CSF2RA: variants seen among roughly 807,000 people sequenced by gnomAD.
CSF2RA encodes the protein colony stimulating factor 2 receptor subunit alpha.
In CSF2RA, 42 loss-of-function variants were observed where a neutral mutation model predicts 51.6. That is an observed-to-expected ratio of 0.81 (90% CI 0.64 to 1.05). The LOEUF (loss-of-function observed/expected upper bound fraction) is 1.05. Among genes scored for constraint, CSF2RA ranks in the 50% least tolerant of loss-of-function variants. The pLI is 0.00. For synonymous variants in CSF2RA, 222 were observed against 193.0 expected, an observed-to-expected ratio of 1.15 and a Z score of -1.24; for missense variants, 530 against 501.1, an observed-to-expected ratio of 1.06 and a Z score of -0.55.
chrX:1,295,180 C>T (rs756552083), intron 8 of CSF2RA, among the ~76,000 whole-genome samples: 85 of 48,774 alleles, frequency 1.7e-3, no homozygotes, highest in African/African-American at 6.2e-3. Flanking sequence ...AACACCCTGC[C>T]CCAAGGCCAG....
intron 4 of CSF2RA, 27 bp downstream of exon 4, chrX:1,285,947 CCT>C (rs1569498061): frequency 6.2e-7 from 1 of 1,613,704 alleles, no homozygotes; most frequent in Non-Finnish European, 8.5e-7. Context: ...ATTCTCAACC[CCT>C]GTCCTTTACA....
chrX:1,301,524 C>G (rs1403685218), intron 10 of CSF2RA, among the ~76,000 whole-genome samples: 2 of 151,436 alleles, frequency 1.3e-5, no homozygotes, highest in Non-Finnish European at 1.5e-5. Context: ...AACAATCAGT[C>G]AGTCTTTGTC....
chrX:1,308,285 A>T (rs2083882169), intron 12 of CSF2RA, among the ~76,000 whole-genome samples: 1 of 152,098 alleles, frequency 6.6e-6, no homozygotes, highest in Admixed American at 6.6e-5. Context: ...CCAAGAGATG[A>T]AAGAGAAACA....
At chrX:1,274,974 A>G (rs1185665552) in intron 2 of CSF2RA, 156 bp downstream of exon 2, 3 of 391,054 alleles carry the variant, frequency 7.7e-6, no homozygotes, top group African/African-American at 2.1e-5. Context: ...TGTCTGACCT[A>G]TGACAAATTT....
At chrX:1,279,852 C>T (rs1260887037) in intron 2 of CSF2RA, among the ~76,000 whole-genome samples, 4 of 151,788 alleles carry the variant, frequency 2.6e-5, no homozygotes, top group Non-Finnish European at 5.9e-5. Context: ...GGCAGTGGCG[C>T]GATCTCGGCT....
intron 2 of CSF2RA, among the ~76,000 whole-genome samples, chrX:1,278,303 A>G (rs1384702275): frequency 7.3e-5 from 11 of 150,358 alleles, no homozygotes; most frequent in Non-Finnish European, 1.0e-4. Flanking sequence ...ACTGCACTCC[A>G]GCCTGGGCGA....
chrX:1,305,581 G>C, intron 12 of CSF2RA, 54 bp downstream of exon 12: 5 of 1,613,988 alleles, frequency 3.1e-6, no homozygotes, highest in Non-Finnish European at 4.2e-6. Flanking sequence ...GGAGTGGGGA[G>C]CGTGGGACAC....
intron 11 of CSF2RA, 75 bp downstream of exon 11, chrX:1,304,094 G>GTC: frequency 8.1e-7 from 1 of 1,230,908 alleles, no homozygotes; most frequent in Non-Finnish European, 1.2e-6. Flanking sequence ...TCCAGTCTCT[G>GTC]TCTCTGTCTC....
At chrX:1,286,799 A>ATG (rs1279620975) in intron 4 of CSF2RA, among the ~76,000 whole-genome samples, 1 of 152,112 alleles carries the variant, frequency 6.6e-6, no homozygotes, top group African/African-American at 2.4e-5. Context: ...ATGCAGTTGG[A>ATG]TGTGCCCCTG....
chrX:1,288,436 C>G (rs1603427901), intron 4 of CSF2RA, 83 bp from the exon 5 acceptor site: 1 of 1,537,632 alleles, frequency 6.5e-7, no homozygotes, highest in East Asian at 2.3e-5. Flanking sequence ...GAGCCGAGAT[C>G]ACGCCACTGC....
At chrX:1,319,027 G>T in the CSF2RA span, among the ~76,000 whole-genome samples, 2 of 149,548 alleles carry the variant, frequency 1.3e-5, no homozygotes, top group African/African-American at 2.4e-5. Flanking sequence ...ACTGAGTCTT[G>T]GTCTGTCACC....
chrX:1,276,467 G>A (rs759183767), intron 2 of CSF2RA, among the ~76,000 whole-genome samples: 22 of 151,956 alleles, frequency 1.4e-4, no homozygotes, highest in African/African-American at 5.3e-4. Context: ...TCTGCCTTTC[G>A]AGTTCCAGTG....
the CSF2RA span, among the ~76,000 whole-genome samples, chrX:1,318,424 A>G: frequency 6.6e-6 from 1 of 151,064 alleles, no homozygotes; most frequent in Admixed American, 6.6e-5. Flanking sequence ...CGGCCTCCCA[A>G]AGTGCTGGGA....
the CSF2RA span, among the ~76,000 whole-genome samples, chrX:1,320,085 C>T: frequency 8.6e-5 from 13 of 152,038 alleles, no homozygotes; most frequent in South Asian, 2.1e-4. Context: ...TTAGTACAGA[C>T]GGGATTTCAC....
intron 3 of CSF2RA, among the ~76,000 whole-genome samples, chrX:1,284,909 C>T (rs1209336596): frequency 2.6e-5 from 4 of 151,978 alleles, no homozygotes; most frequent in Admixed American, 1.3e-4. Flanking sequence ...TCAGGTGATC[C>T]GCCCACCTCA....
At chrX:1,295,801 C>T (rs2091886909) in intron 9 of CSF2RA, among the ~76,000 whole-genome samples, 1 of 150,028 alleles carries the variant, frequency 6.7e-6, no homozygotes, top group Non-Finnish European at 1.5e-5. Flanking sequence ...CCCGTGTAGA[C>T]AGGAAGAGAC....
the CSF2RA span, among the ~76,000 whole-genome samples, chrX:1,324,420 AAAAG>A: frequency 2.4e-4 from 33 of 135,760 alleles, no homozygotes; most frequent in African/African-American, 8.2e-4. Context: ...AAAGGAAAGA[AAAAG>A]AAAGAAGAGA....
At chrX:1,278,409 A>G (rs1446395731) in intron 2 of CSF2RA, among the ~76,000 whole-genome samples, 9 of 149,380 alleles carry the variant, frequency 6.0e-5, no homozygotes, top group South Asian at 2.1e-4. Flanking sequence ...TCCAGAGGCC[A>G]GGTGCAGTGG....
At chrX:1,286,202 G>A (rs1209009879) in intron 4 of CSF2RA, among the ~76,000 whole-genome samples, 14 of 152,144 alleles carry the variant, frequency 9.2e-5, no homozygotes, top group African/African-American at 3.1e-4. Flanking sequence ...GAACCCGGGA[G>A]GTGGAAGTTG....
Sources: gnomAD v4.1 joint callset for allele counts (sites outside exome capture counted in the v4.1 genomes callset) on GRCh38, gnomAD v4.1.1 for gene constraint, MANE v1.5 for transcripts, NCBI Gene and HGNC (gene_info 2026-07-23, HGNC 2026-07-21) for gene names.